The following TOGARAM2 variants were observed in gnomAD, a reference collection of about 807,000 sequenced individuals.
TOGARAM2 encodes TOG array regulator of axonemal microtubules 2.
A neutral mutation model predicts 93.3 loss-of-function variants in TOGARAM2; 85 were observed. The observed-to-expected ratio is 0.91, with a 90% confidence interval of 0.76 to 1.09. The LOEUF (loss-of-function observed/expected upper bound fraction) is 1.09. Ranked by LOEUF, TOGARAM2 falls within the 50% of genes least tolerant of loss-of-function variation. TOGARAM2 has a pLI of 0.00. For synonymous variants in TOGARAM2, 593 were observed against 552.8 expected, an observed-to-expected ratio of 1.07 and a Z score of -1.02; for missense variants, 1,277 against 1,334.5, an observed-to-expected ratio of 0.96 and a Z score of 0.67.
At chr2:29,049,372 C>G (rs1666943326) in intron 19 of TOGARAM2, 1 of 152,234 alleles carries the variant, frequency 6.6e-6, no homozygotes, top group Admixed American at 6.5e-5. Flanking sequence ...TTATCCATTC[C>G]TCAATGGACA....
At position 29,003,507 on chromosome 2, in the gene TOGARAM2, C is replaced by A; in HGVS notation, c.655C>A (p.Gln219Lys). Residue 219 changes from glutamine to lysine, a missense_variant, in exon 6 of 20, where the codon CAA becomes AAA. Physicochemically the swap from Gln to Lys is moderately conservative, Grantham distance 53. Coordinates refer to ENST00000379558, the MANE Select transcript of TOGARAM2 (RefSeq NM_199280.4). ...PGAQEAQISW[Q>K]YLHCNDEKMQ... ...CTGCTCCCAGGCGCAGATCTCCTGG[C>A]AATACCTGCACTGCAATGATGAGAA... is the stretch of plus-strand genomic sequence containing the variant. The A allele has an allele frequency of 1.9e-6, 3 of 1,548,498 alleles. No individual in the cohort carries two copies. The highest frequency in any genetic ancestry group is 2.6e-6 in the Non-Finnish European group (3 of 1,147,950).
At chr2:29,041,232 C>T (rs1666417963) in intron 18 of TOGARAM2, among the ~76,000 whole-genome samples, 1 of 152,122 alleles carries the variant, frequency 6.6e-6, no homozygotes, top group African/African-American at 2.4e-5. Flanking sequence ...CCATGTTGGC[C>T]AGGCTAGTCT....
chr2:29,008,912 G>A (rs1664046719), intron 6 of TOGARAM2, among the ~76,000 whole-genome samples: 1 of 152,216 alleles, frequency 6.6e-6, no homozygotes, highest in Non-Finnish European at 1.5e-5. Flanking sequence ...TGTTTGGTTT[G>A]TGACATGGAT....
Position 29,002,624 on chromosome 2 carries a change from C to G in TOGARAM2, c.516C>G (p.Pro172=). The change falls in exon 5 of 20, where the codon CCC becomes CCG. Residue 172 remains proline (P), a synonymous_variant. Coordinates refer to ENST00000379558, the MANE Select transcript of TOGARAM2 (RefSeq NM_199280.4). The part of the protein sequence containing the change: ...RATSQRLLRV[P]RPMPLIQSIP... The stretch of plus-strand genomic sequence containing the variant: ...CCTCTCAGAGGCTGCTGAGGGTGCC[C>G]AGGCCGATGCCTCTCATCCAGAGCA... The G allele has an allele frequency of 6.2e-7, 1 of 1,613,940 alleles. No homozygotes were observed. The highest frequency in any genetic ancestry group is 8.5e-7 in the Non-Finnish European group (1 of 1,179,876).
upstream of TOGARAM2, among the ~76,000 whole-genome samples, chr2:28,976,683 C>T (rs1305125838): frequency 6.6e-6 from 1 of 152,224 alleles, no homozygotes; most frequent in South Asian, 2.1e-4. Flanking sequence ...CCACTGAATT[C>T]CTGTGTGACT....
chr2:28,998,278 T>G (rs766223577), intron 3 of TOGARAM2, 25 bp downstream of exon 3: 78 of 1,544,182 alleles, frequency 5.1e-5, no homozygotes, highest in Non-Finnish European at 6.8e-5. Context: ...CCTCACCTGG[T>G]CAGGGCCCCT....
intron 1 of TOGARAM2, among the ~76,000 whole-genome samples, chr2:28,993,360 A>C (rs1672830539): frequency 6.6e-6 from 1 of 152,172 alleles, no homozygotes; most frequent in South Asian, 2.1e-4. Flanking sequence ...TCAGCCATGG[A>C]AGGTCTGTGC....
intron 10 of TOGARAM2, among the ~76,000 whole-genome samples, chr2:29,020,609 G>T (rs79675949): frequency 0.016 from 2,509 of 152,294 alleles, 43 homozygotes; most frequent in Non-Finnish European, 0.024. Flanking sequence ...GCCTTTTGTG[G>T]GTTTGTTTTT....
intron 10 of TOGARAM2, 133 bp downstream of exon 10, chr2:29,018,089 G>A (rs777388108): frequency 4.9e-5 from 52 of 1,068,798 alleles, no homozygotes; most frequent in Non-Finnish European, 6.0e-5. Flanking sequence ...AGGCAGCCTG[G>A]GGTGGTGGTT....
chr2:28,962,580 G>A (rs1671816298), intron 1 of TOGARAM2, among the ~76,000 whole-genome samples: 1 of 152,166 alleles, frequency 6.6e-6, no homozygotes, highest in African/African-American at 2.4e-5. Flanking sequence ...CAAGTGGTAT[G>A]TGTTGGTATG....
intron 1 of TOGARAM2, among the ~76,000 whole-genome samples, chr2:28,989,555 C>CGTGG (rs1672621501): frequency 6.6e-6 from 1 of 152,100 alleles, no homozygotes; most frequent in Non-Finnish European, 1.5e-5. Context: ...CAGGCCACCA[C>CGTGG]GCCTGGCTAA....
upstream of TOGARAM2, among the ~76,000 whole-genome samples, chr2:28,977,507 C>G (rs1672055528): frequency 6.6e-6 from 1 of 152,194 alleles, no homozygotes; most frequent in Admixed American, 6.5e-5. Context: ...GGCTGAGACT[C>G]TGGTCTGCAG....
intron 8 of TOGARAM2, 50 bp from the exon 9 acceptor site, chr2:29,017,104 A>G: frequency 5.0e-6 from 8 of 1,587,168 alleles, no homozygotes; most frequent in Non-Finnish European, 6.9e-6. Flanking sequence ...TTGAATGTTG[A>G]TGATTGAATG....
intron 14 of TOGARAM2, among the ~76,000 whole-genome samples, chr2:29,030,324 T>C (rs1665690946): frequency 6.6e-6 from 1 of 152,100 alleles, no homozygotes; most frequent in South Asian, 2.1e-4. Context: ...CCATTAAACT[T>C]GGAGCAAATA....
Position 29,011,439 on chromosome 2 carries a change from C to T in TOGARAM2, c.831-16C>T, listed in dbSNP as rs770853783. 40 of 1,610,370 alleles carry T rather than the reference C, an allele frequency of 2.5e-5. No individual in the cohort carries two copies. The East Asian group carries it at 8.1e-4, about 33-fold the overall frequency. Reference sequence around the variant, plus strand: ...GCCATCCCTCATGATGCTTTTCTCTCCCCCGTTCTTTTAAGATTGGCTCGG... The same window carrying T: ...GCCATCCCTCATGATGCTTTTCTCTTCCCCGTTCTTTTAAGATTGGCTCGG... On this transcript the variant is annotated splice_polypyrimidine_tract_variant and intron_variant, in intron 6 of 19. Transcript: ENST00000379558.
chr2:28,999,173 C>T lies in TOGARAM2; in HGVS notation c.140-8C>T, dbSNP rs968609681. On this transcript the variant is annotated splice_polypyrimidine_tract_variant and splice_region_variant and intron_variant, in intron 3 of 19. Transcript: ENST00000379558. ...GTGCCAAGCCATTCACACCTCTGTC[C>T]CCCTCAGGTTCTCTCCAGCCTGAGC... is the stretch of plus-strand genomic sequence containing the variant. 3 of 1,605,780 alleles carry T rather than the reference C, an allele frequency of 1.9e-6. No individual in the cohort carries two copies. Among genetic ancestry groups the T allele is most frequent in the African/African-American group, 1.3e-5 (1 of 74,754 alleles).
intron 1 of TOGARAM2, among the ~76,000 whole-genome samples, chr2:28,987,415 G>A (rs1459713529): frequency 1.3e-5 from 2 of 152,008 alleles, no homozygotes; most frequent in Non-Finnish European, 1.5e-5. Flanking sequence ...TCAGCCTCCC[G>A]AGTAGCTGGG....
At chr2:29,045,861 A>G in intron 19 of TOGARAM2, 2 of 246,188 alleles carry the variant, frequency 8.1e-6, no homozygotes, top group South Asian at 9.2e-5. Flanking sequence ...GATAAGGGAC[A>G]CTCAACCTGT....
Position 29,023,209 on chromosome 2 carries a change from G to T in TOGARAM2, c.1617+18G>T. The T allele has an allele frequency of 6.4e-7, 1 of 1,561,738 alleles. No homozygotes were observed. The highest frequency in any genetic ancestry group is 8.7e-7 in the Non-Finnish European group (1 of 1,151,786). On this transcript the variant is annotated intron_variant, in intron 12 of 19. Transcript: ENST00000379558. ...CTGGGGAGGTGAGGCCCCCCAGCCTGTGTGCTGTGCATTTGGCCCCACTGC... is the reference window on the plus strand; with the variant it reads ...CTGGGGAGGTGAGGCCCCCCAGCCTTTGTGCTGTGCATTTGGCCCCACTGC...
Sources: gnomAD v4.1 joint callset for allele counts (sites outside exome capture counted in the v4.1 genomes callset) on GRCh38, gnomAD v4.1.1 for gene constraint, MANE v1.5 for transcripts, NCBI Gene and HGNC (gene_info 2026-07-23, HGNC 2026-07-21) for gene names.